The following AKR1C8 variants were observed in gnomAD, a reference collection of about 807,000 sequenced individuals.
AKR1C8 encodes aldo-keto reductase family 1 member C8, also known as aldo-keto reductase family 1 member C-like protein 1.
the AKR1C8 span, among the ~76,000 whole-genome samples, chr10:5,176,378 T>G: frequency 2.1e-3 from 308 of 144,408 alleles, 3 homozygotes; most frequent in African/African-American, 7.2e-3. Flanking sequence ...TTGGTTACTG[T>G]AGCCTTGTAG....
At chr10:5,175,823 TGTTTG>T in the AKR1C8 span, among the ~76,000 whole-genome samples, 1 of 80,754 alleles carries the variant, frequency 1.2e-5, no homozygotes, top group African/African-American at 3.6e-5. Context: ...TTGATGGGGT[TGTTTG>T]TTTTTTTCTT....
the AKR1C8 span, among the ~76,000 whole-genome samples, chr10:5,151,857 C>A: frequency 1.3e-5 from 2 of 151,956 alleles, no homozygotes; most frequent in South Asian, 2.1e-4. Flanking sequence ...GCACCCAGCC[C>A]CTTTGAGTTT....
At chr10:5,161,572 T>C in the AKR1C8 span, 1 of 391,826 alleles carries the variant, frequency 2.6e-6, no homozygotes, top group South Asian at 2.0e-5. Context: ...ACACAAGCAC[T>C]GAGAAATACA....
At chr10:5,177,975 T>C in the AKR1C8 span, among the ~76,000 whole-genome samples, 1 of 152,190 alleles carries the variant, frequency 6.6e-6, no homozygotes, top group African/African-American at 2.4e-5. Flanking sequence ...GTGTCTCTAT[T>C]TCCTTCAGTT....
chr10:5,127,090 C>T, the AKR1C8 span, among the ~76,000 whole-genome samples: 1 of 152,218 alleles, frequency 6.6e-6, no homozygotes, highest in East Asian at 1.9e-4. Context: ...AAAGATCACA[C>T]TAGCTCCCCA....
the AKR1C8 span, among the ~76,000 whole-genome samples, chr10:5,116,524 A>G: frequency 1.3e-5 from 2 of 152,176 alleles, no homozygotes; most frequent in Admixed American, 1.3e-4. Context: ...TTCAGGGCAT[A>G]CACAGCCTTC....
At chr10:5,125,882 G>C in the AKR1C8 span, among the ~76,000 whole-genome samples, 2 of 152,210 alleles carry the variant, frequency 1.3e-5, no homozygotes, top group Non-Finnish European at 2.9e-5. Flanking sequence ...ACCCCACTGG[G>C]TGGCTAGACC....
chr10:5,121,783 C>G, the AKR1C8 span, among the ~76,000 whole-genome samples: 1 of 152,130 alleles, frequency 6.6e-6, no homozygotes, highest in Non-Finnish European at 1.5e-5. Flanking sequence ...TAAGACAGCC[C>G]TGTGCCTTCT....
chr10:5,140,125 A>G, the AKR1C8 span, among the ~76,000 whole-genome samples: 5 of 152,182 alleles, frequency 3.3e-5, no homozygotes, highest in Admixed American at 2.6e-4. Context: ...TAGAATGATG[A>G]TCATTAAAAA....
the AKR1C8 span, among the ~76,000 whole-genome samples, chr10:5,159,117 C>T: frequency 3.9e-5 from 6 of 152,048 alleles, no homozygotes; most frequent in African/African-American, 1.4e-4. Flanking sequence ...GCCAAAGGAC[C>T]CAGGATCTTA....
the AKR1C8 span, among the ~76,000 whole-genome samples, chr10:5,140,542 C>T: frequency 2.6e-5 from 4 of 151,618 alleles, no homozygotes; most frequent in Non-Finnish European, 4.4e-5. Context: ...CAAACAATCT[C>T]AAGGACAGAA....
At chr10:5,170,129 TC>T in the AKR1C8 span, among the ~76,000 whole-genome samples, 1 of 152,028 alleles carries the variant, frequency 6.6e-6, no homozygotes, top group Non-Finnish European at 1.5e-5. Flanking sequence ...TGAAGAGATT[TC>T]CTCCTGTGAT....
the AKR1C8 span, chr10:5,158,757 C>T: frequency 6.4e-6 from 3 of 467,206 alleles, no homozygotes; most frequent in Non-Finnish European, 8.8e-6. Context: ...GAGCCAATAA[C>T]CACATGCAAA....
chr10:5,140,806 C>T, the AKR1C8 span, among the ~76,000 whole-genome samples: 1 of 142,718 alleles, frequency 7.0e-6, no homozygotes, highest in East Asian at 1.9e-4. Flanking sequence ...ACATTGTGCA[C>T]ATGTACCCTA....
chr10:5,122,701 C>T, the AKR1C8 span, among the ~76,000 whole-genome samples: 18 of 152,188 alleles, frequency 1.2e-4, no homozygotes, highest in Admixed American at 2.6e-4. Context: ...TTTTTTATAA[C>T]GACAAGCAAA....
At chr10:5,178,871 T>C in the AKR1C8 span, among the ~76,000 whole-genome samples, 1 of 152,224 alleles carries the variant, frequency 6.6e-6, no homozygotes, top group Non-Finnish European at 1.5e-5. Context: ...CCTATGTGTG[T>C]CTCTGCACAT....
the AKR1C8 span, among the ~76,000 whole-genome samples, chr10:5,179,599 A>T: frequency 1.3e-5 from 2 of 148,972 alleles, no homozygotes; most frequent in African/African-American, 5.1e-5. Flanking sequence ...CATTCTCCCC[A>T]TCACTTTCAG....
the AKR1C8 span, among the ~76,000 whole-genome samples, chr10:5,169,837 G>C: frequency 6.6e-6 from 1 of 152,026 alleles, no homozygotes; most frequent in South Asian, 2.1e-4. Flanking sequence ...TATTTGGTGA[G>C]GTAGGGTTGA....
At chr10:5,143,330 C>T in the AKR1C8 span, among the ~76,000 whole-genome samples, 1 of 152,138 alleles carries the variant, frequency 6.6e-6, no homozygotes, top group Non-Finnish European at 1.5e-5. Flanking sequence ...GTGCCTTCTA[C>T]CCCTGGACGT....
Sources: gnomAD v4.1 joint callset for allele counts (sites outside exome capture counted in the v4.1 genomes callset) on GRCh38, gnomAD v4.1.1 for gene constraint, MANE v1.5 for transcripts, NCBI Gene and HGNC (gene_info 2026-07-23, HGNC 2026-07-21) for gene names.